Variants in KLC2 observed in about 807,000 individuals in gnomAD.
KLC2 encodes KLC 2.
KLC2 carries 35 observed loss-of-function variants against 75.1 expected under a neutral mutation model. That is an observed-to-expected ratio of 0.47 (90% CI 0.36 to 0.62). The LOEUF (loss-of-function observed/expected upper bound fraction) is 0.62, where lower values mean the gene tolerates loss of function less well. Ranked by LOEUF, KLC2 falls within the 20% of genes least tolerant of loss-of-function variation. The pLI is 0.00. For missense variants in KLC2, 611 were observed against 833.2 expected (o/e 0.73, Z 3.28); for synonymous variants, 314 against 336.7 (o/e 0.93, Z 0.74).
At chr11:66,264,517 A>G in intron 9 of KLC2, 73 bp downstream of exon 9, 1 of 1,113,880 alleles carries the variant, frequency 9.0e-7, no homozygotes, top group Non-Finnish European at 1.4e-6. Flanking sequence ...CCCAGGACAA[A>G]TCCCTCAGCA....
chr11:66,244,284 C>G, the KLC2 span: 1 of 152,582 alleles, frequency 6.6e-6, no homozygotes, highest in African/African-American at 2.4e-5. Context: ...TTCTGCCTTT[C>G]CCTGCTCTGT....
At chr11:66,250,682 A>G in the KLC2 span, among the ~76,000 whole-genome samples, 1 of 152,194 alleles carries the variant, frequency 6.6e-6, no homozygotes, top group African/African-American at 2.4e-5. Flanking sequence ...AGATGTCCCA[A>G]AGGGAATGAC....
chr11:66,264,225 T>C lies in KLC2; in HGVS notation c.1116+6T>C, dbSNP rs1231060684. 1.1e-5 allele frequency: 18 copies of C among 1,569,642 alleles called. No individual in the cohort carries two copies. The highest frequency in any genetic ancestry group is 1.5e-5 in the Non-Finnish European group (17 of 1,156,316). On this transcript the variant is annotated splice_donor_region_variant and intron_variant, in intron 8 of 15. Transcript: ENST00000394067. ...CCAAGACCAAGAACAACCTGGTACCTTGGGGCTGAGAGGAGCTGGAGGATG... is the reference window on the plus strand; with the variant it reads ...CCAAGACCAAGAACAACCTGGTACCCTGGGGCTGAGAGGAGCTGGAGGATG...
At position 66,267,721 on chromosome 11, in the gene KLC2, G is replaced by C; in HGVS notation, c.*765G>C. 1 of 496,674 alleles carries C rather than the reference G, an allele frequency of 2.0e-6. No individual in the cohort carries two copies. Among genetic ancestry groups the C allele is most frequent in the African/African-American group, 2.0e-5 (1 of 48,864 alleles). The allele number at this position is 496,674 out of a possible 1,614,324, so 30.8% of individuals were successfully genotyped here. A position where few individuals can be genotyped will look rare whatever the true frequency, so the allele number is the denominator to read the frequency against. ...ACCGCCCACCGAGCCATCCTGCCTC[G>C]CCTCCCCCCACGCCTGCAGCTTCTC... On this transcript the variant is annotated 3_prime_UTR_variant, in exon 16 of 16. Coordinates refer to ENST00000394067, the MANE Select transcript of KLC2 (RefSeq NM_001318734.2).
chr11:66,254,753 C>T (rs943258036), upstream of KLC2, among the ~76,000 whole-genome samples: 2 of 151,312 alleles, frequency 1.3e-5, no homozygotes, highest in African/African-American at 4.9e-5. Flanking sequence ...TGGTAAAACC[C>T]TATCTCTACT....
At position 66,267,054 on chromosome 11, in the gene KLC2, C is replaced by A. The variant is rs551034564; in HGVS notation, c.*98C>A. ...TGCTGCTTGTCCCGCCTGTCTCTCC[C>A]ACAGCCCCTGTCTTTTCTGTTCAAT... On this transcript the variant is annotated 3_prime_UTR_variant, in exon 16 of 16. Transcript: ENST00000394067. 2 of 1,579,176 alleles carry A rather than the reference C, an allele frequency of 1.3e-6. No individual in the cohort carries two copies. The highest frequency in any genetic ancestry group is 2.3e-5 in the South Asian group (2 of 87,890).
chr11:66,246,888 C>A, the KLC2 span, among the ~76,000 whole-genome samples: 20 of 152,144 alleles, frequency 1.3e-4, no homozygotes, highest in Admixed American at 1.2e-3. Flanking sequence ...ACCTCCCTGG[C>A]CTCTCCTTTT....
intron 2 of KLC2, chr11:66,261,268 G>C (rs1479445742): frequency 6.5e-6 from 1 of 155,028 alleles, no homozygotes; most frequent in African/African-American, 2.4e-5. Flanking sequence ...CCCTACCTGG[G>C]AGCTGCAGAA....
At position 66,266,186 on chromosome 11, in the gene KLC2, G is replaced by A. The variant is rs1413986281; in HGVS notation, c.1696G>A (p.Gly566Arg). 6.2e-7 allele frequency: 1 copy of A among 1,611,306 alleles called. No homozygotes were observed. The highest frequency in any genetic ancestry group is 8.5e-7 in the Non-Finnish European group (1 of 1,179,122). ...TGAGATGCTGGTAAAGAAGCTGCAG[G>A]GGGGCACCCCCCAGGAGCCCCCTAA... ...SSEMLVKKLQ[G>R]GTPQEPPNPR... The change falls in exon 14 of 16, where the codon GGG (glycine) becomes AGG (arginine). Residue 566 changes from glycine to arginine, a missense_variant. Transcript: ENST00000394067.
rs373479831 is a variant in KLC2, at chr11:66,258,585, C to T, written c.-10C>T. 2 of 1,602,242 alleles carry T rather than the reference C, an allele frequency of 1.2e-6. No individual in the cohort carries two copies. The highest frequency in any genetic ancestry group is 1.1e-5 in the South Asian group (1 of 90,826). ...CTGCCCGCACCCTCGTCCTCACAGA[C>T]GCCACAGCCATGGCCATGATGGTGT... On this transcript the variant is annotated splice_region_variant and 5_prime_UTR_variant, in exon 2 of 16. It adds an upstream start codon to the 5' untranslated region. Transcript: ENST00000394067.
At chr11:66,266,045 G>C (rs370368116) in intron 13 of KLC2, 33 bp downstream of exon 13, 43 of 1,613,552 alleles carry the variant, frequency 2.7e-5, no homozygotes, top group Non-Finnish European at 3.4e-5. Flanking sequence ...GTCGGGCTGG[G>C]AGCCTAGGTG....
chr11:66,267,608 C>CCA lies in KLC2; in HGVS notation c.*654_*655dup, dbSNP rs1856932991. ...GGGGACCTCCCCTTAGTCCGTCCTC[C>CCA]CACCGCCGGGCCCTGCCCCGCATCC... On this transcript the variant is annotated 3_prime_UTR_variant, in exon 16 of 16. Transcript: ENST00000394067. The CCA allele has an allele frequency of 3.3e-6, 2 of 602,106 alleles. No individual in the cohort carries two copies. The highest frequency in any genetic ancestry group is 6.0e-6 in the Non-Finnish European group (2 of 335,850). 37.3% of individuals were successfully genotyped at this position (602,106 alleles called of 1,614,324 possible).
intron 4 of KLC2, 195 bp from the exon 5 acceptor site, chr11:66,262,619 A>C: frequency 1.7e-6 from 1 of 595,000 alleles, no homozygotes; most frequent in Non-Finnish European, 3.0e-6. Flanking sequence ...ACAGAGCCTG[A>C]AGTACTGGAG....
chr11:66,262,926 C>T lies in KLC2; in HGVS notation c.642C>T (p.Tyr214=), dbSNP rs746011253. ...TCCAATACGCCTCACAGGGCCGCTACGAGGTAGCTGTGCCACTCTGCAAGC... is the reference window on the plus strand; with the variant it reads ...TCCAATACGCCTCACAGGGCCGCTATGAGGTAGCTGTGCCACTCTGCAAGC... ...LVIQYASQGR[Y]EVAVPLCKQA... The change falls in exon 5 of 16, where the codon TAC becomes TAT. Residue 214 remains tyrosine, a synonymous_variant. Coordinates refer to ENST00000394067, the MANE Select transcript of KLC2 (RefSeq NM_001318734.2). 1.5e-5 allele frequency: 24 copies of T among 1,613,816 alleles called. No individual in the cohort carries two copies. Among genetic ancestry groups the T allele is most frequent in the Non-Finnish European group, 1.9e-5 (22 of 1,179,936 alleles).
At chr11:66,265,330 C>T in intron 11 of KLC2, 95 bp downstream of exon 11, 1 of 1,119,420 alleles carries the variant, frequency 8.9e-7, no homozygotes, top group Non-Finnish European at 1.3e-6. Context: ...CTCTGCTGCT[C>T]ATCTGGCAAG....
At position 66,258,493 on chromosome 11, in the gene KLC2, C is replaced by A. The variant is rs1188190697; in HGVS notation, c.-11-91C>A. The A allele has an allele frequency of 6.0e-6, 5 of 831,574 alleles. No homozygotes were observed. The Admixed American group carries it at 1.2e-4, about 19-fold the overall frequency. The allele number at this position is 831,574 out of a possible 1,614,324, so 51.5% of individuals were successfully genotyped here. On this transcript the variant is annotated intron_variant, in intron 1 of 15. Coordinates refer to ENST00000394067, the MANE Select transcript of KLC2 (RefSeq NM_001318734.2). ...GACCTGGGCACACGGGAGACTCAGG[C>A]GTCCGGGGACCGCCTGTTTACCTAA... is the stretch of plus-strand genomic sequence containing the variant.
At chr11:66,247,947 G>A in the KLC2 span, among the ~76,000 whole-genome samples, 1 of 152,150 alleles carries the variant, frequency 6.6e-6, no homozygotes, top group Non-Finnish European at 1.5e-5. Context: ...GCAAAGAAGA[G>A]GAAATCAGCT....
intron 5 of KLC2, 94 bp downstream of exon 5, chr11:66,263,130 C>A: frequency 1.1e-6 from 1 of 873,420 alleles, no homozygotes; most frequent in Non-Finnish European, 1.8e-6. Flanking sequence ...GACTCGTGGC[C>A]CACCTGCGTG....
chr11:66,253,976 C>T (rs557873738), upstream of KLC2, among the ~76,000 whole-genome samples: 2 of 152,222 alleles, frequency 1.3e-5, no homozygotes, highest in African/African-American at 4.8e-5. Flanking sequence ...CTTGGCCGGG[C>T]GCAGTGGCTC....
Sources: allele counts gnomAD v4.1 joint callset (sites outside exome capture counted in the v4.1 genomes callset), GRCh38; gene constraint gnomAD v4.1.1; transcripts MANE v1.5; gene names NCBI Gene and HGNC (gene_info 2026-07-23, HGNC 2026-07-21).